LARS2: variants seen among roughly 807,000 people sequenced by gnomAD.
LARS2 encodes leucyl-tRNA synthetase 2, mitochondrial.
LARS2 carries 81 observed loss-of-function variants against 116.6 expected under a neutral mutation model. The observed-to-expected ratio is 0.69, with a 90% CI of 0.58 to 0.84. The LOEUF is 0.84. Ranked by LOEUF, LARS2 falls within the 40% of genes least tolerant of loss-of-function variation. The probability of loss-of-function intolerance (pLI) is 0.00; values close to 1 mark genes in which losing one functional copy is unlikely to be tolerated. For missense variants in LARS2, 968 were observed against 1,114.5 expected (o/e 0.87, Z 1.87); for synonymous variants, 396 against 407.2 (o/e 0.97, Z 0.33).
Position 45,493,190 on chromosome 3 carries a change from C to T in LARS2, c.1523+1390C>T, listed in dbSNP as rs563928844. On this transcript the variant is annotated intron_variant, in intron 13 of 21. Transcript: ENST00000645846. Reference sequence around the variant, plus strand: ...TCTCGGCTCACTGCCAGCTCCACCTCCCGCGTTCACACCATTATCCTGCCT... The same window carrying T: ...TCTCGGCTCACTGCCAGCTCCACCTTCCGCGTTCACACCATTATCCTGCCT... Among the ~76,000 whole-genome samples the T allele has an allele frequency of 1.4e-4, 21 of 152,218 alleles. No individual in the cohort carries two copies. In the East Asian group the frequency reaches 4.1e-3, roughly 29 times the overall value.
At chr3:45,545,604 C>T (rs917437412) in intron 21 of LARS2, among the ~76,000 whole-genome samples, 1 of 152,172 alleles carries the variant, frequency 6.6e-6, no homozygotes, top group African/African-American at 2.4e-5. Context: ...GAGCCAGAAC[C>T]GTGTGAGGGT....
At chr3:45,419,538 G>T in intron 5 of LARS2, 131 bp from the exon 6 acceptor site, 1 of 688,458 alleles carries the variant, frequency 1.5e-6, no homozygotes, top group Non-Finnish European at 2.5e-6. Context: ...TTTCTGCTAG[G>T]GCAAAGCAAC....
At chr3:45,453,616 G>A (rs1160435771) in intron 7 of LARS2, among the ~76,000 whole-genome samples, 1 of 152,084 alleles carries the variant, frequency 6.6e-6, no homozygotes, top group African/African-American at 2.4e-5. Flanking sequence ...AGTAACAAAC[G>A]GTAGCCTTGT....
chr3:45,476,887 C>T (rs1481951053), intron 10 of LARS2, among the ~76,000 whole-genome samples: 2 of 152,158 alleles, frequency 1.3e-5, no homozygotes, highest in African/African-American at 2.4e-5. Flanking sequence ...CTCTCCCTTT[C>T]AGTATAATCT....
At chr3:45,451,657 G>A (rs898942906) in intron 7 of LARS2, among the ~76,000 whole-genome samples, 1 of 151,838 alleles carries the variant, frequency 6.6e-6, no homozygotes, top group Non-Finnish European at 1.5e-5. Flanking sequence ...GCTTTGTTCT[G>A]TTTTTGCTCA....
intron 8 of LARS2, among the ~76,000 whole-genome samples, chr3:45,464,548 C>T (rs753401697): frequency 6.6e-6 from 1 of 152,188 alleles, no homozygotes; most frequent in African/African-American, 2.4e-5. Context: ...CCCTTAATCC[C>T]CTTCACCCCT....
chr3:45,391,935 T>A (rs1371168385), intron 2 of LARS2, among the ~76,000 whole-genome samples: 2 of 152,216 alleles, frequency 1.3e-5, no homozygotes, highest in African/African-American at 4.8e-5. Context: ...TTGTTTCTAT[T>A]TGAGAGGATA....
At chr3:45,515,795 A>G (rs529427023) in intron 16 of LARS2, among the ~76,000 whole-genome samples, 5 of 152,328 alleles carry the variant, frequency 3.3e-5, no homozygotes, top group African/African-American at 9.6e-5. Context: ...TTTGTGTATA[A>G]ATAATTCACT....
chr3:45,423,186 T>C (rs1259888884), intron 6 of LARS2, among the ~76,000 whole-genome samples: 1 of 152,226 alleles, frequency 6.6e-6, no homozygotes, highest in Non-Finnish European at 1.5e-5. Flanking sequence ...TTGATCCTCA[T>C]GTATGATAAG....
intron 6 of LARS2, among the ~76,000 whole-genome samples, chr3:45,425,227 G>A (rs995329301): frequency 4.0e-5 from 6 of 151,768 alleles, no homozygotes; most frequent in African/African-American, 7.3e-5. Flanking sequence ...TACAACTTTC[G>A]GATGCTGTGT....
chr3:45,403,624 G>T (rs1698190012), intron 4 of LARS2, among the ~76,000 whole-genome samples: 1 of 152,164 alleles, frequency 6.6e-6, no homozygotes, highest in Non-Finnish European at 1.5e-5. Context: ...AGGGAAGCCT[G>T]TTAGCAAAAC....
chr3:45,424,720 G>A (rs1305005379), intron 6 of LARS2, among the ~76,000 whole-genome samples: 1 of 152,090 alleles, frequency 6.6e-6, no homozygotes, highest in East Asian at 1.9e-4. Flanking sequence ...TTTCGTCAGA[G>A]TGTATCTCAG....
rs1194319813 is a variant in LARS2 at position 45,474,361 on chromosome 3, A to G, written c.858+11A>G. 1 of 1,531,198 alleles carries G rather than the reference A, an allele frequency of 6.5e-7. No homozygotes were observed. The highest frequency in any genetic ancestry group is 1.4e-5 in the African/African-American group (1 of 73,462). 94.9% of individuals were successfully genotyped at this position (1,531,198 alleles called of 1,614,324 possible). On this transcript the variant is annotated intron_variant, in intron 9 of 21. Coordinates refer to ENST00000645846, the MANE Select transcript of LARS2 (RefSeq NM_015340.4). ...GACTTCACATTAAAGGTGATTAAGT[A>G]ATAGCAGCTCCAGCAATTCATGATC...
At chr3:45,520,111 C>A (rs1700429214) in intron 18 of LARS2, 108 bp from the exon 19 acceptor site, 1 of 724,408 alleles carries the variant, frequency 1.4e-6, no homozygotes, top group Non-Finnish European at 2.5e-6. Flanking sequence ...TTATAAATAT[C>A]TTTGCATCCC....
chr3:45,430,050 C>T (rs1423425739), intron 6 of LARS2, among the ~76,000 whole-genome samples: 21 of 109,734 alleles, frequency 1.9e-4, no homozygotes, highest in East Asian at 3.2e-4. Flanking sequence ...CTTGCTCTGT[C>T]GCCCAGGCTG....
intron 11 of LARS2, 44 bp downstream of exon 11, chr3:45,485,840 AT>A: frequency 8.0e-7 from 1 of 1,256,700 alleles, no homozygotes. Flanking sequence ...TATTTTGCAG[AT>A]TTAGAATCAA....
rs1488550209 is a variant in LARS2 at position 45,547,504 on chromosome 3, C to G, written c.2686C>G (p.Leu896Val). The G allele has an allele frequency of 6.2e-7, 1 of 1,607,680 alleles. No homozygotes were observed. The highest frequency in any genetic ancestry group is 1.1e-5 in the South Asian group (1 of 90,166). ...GTCCTTCCTTTCCCCGAGAACTGCC[C>G]TCATCAACTTCCTGGTGCAAGATTG... ...KKSFLSPRTA[L>V]INFLVQD Residue 896 changes from leucine to valine, a missense_variant, in exon 22 of 22, where the codon CTC (leucine) becomes GTC (valine). Leu to Val is a conservative substitution (Grantham distance 32, BLOSUM62 1). Coordinates refer to ENST00000645846, the MANE Select transcript of LARS2 (RefSeq NM_015340.4).
chr3:45,407,980 G>A (rs1368494965), intron 4 of LARS2, among the ~76,000 whole-genome samples: 1 of 152,078 alleles, frequency 6.6e-6, no homozygotes, highest in Non-Finnish European at 1.5e-5. Flanking sequence ...TTTTAAAATT[G>A]TACATGAATT....
intron 6 of LARS2, among the ~76,000 whole-genome samples, chr3:45,436,988 T>C (rs1317680192): frequency 1.3e-5 from 2 of 152,136 alleles, no homozygotes; most frequent in Non-Finnish European, 2.9e-5. Context: ...AAAATGATAG[T>C]GCTCAAAAAA....
Sources: gnomAD v4.1 joint callset for allele counts (sites outside exome capture counted in the v4.1 genomes callset) on GRCh38, gnomAD v4.1.1 for gene constraint, MANE v1.5 for transcripts, NCBI Gene and HGNC (gene_info 2026-07-23, HGNC 2026-07-21) for gene names.